Variants in CHN1 observed in about 807,000 individuals in gnomAD.
CHN1 encodes chimerin 1, also known as N-chimaerin.
A neutral mutation model predicts 59.5 loss-of-function variants in CHN1; 37 were observed. The ratio of observed to expected loss-of-function variants is 0.62; its 90% confidence interval spans 0.48 to 0.82. The LOEUF is 0.82. Ranked by LOEUF, CHN1 falls within the 40% of genes least tolerant of loss-of-function variation. CHN1 has a pLI of 0.00. For synonymous variants in CHN1, 206 were observed against 200.4 expected (o/e 1.03, Z -0.24); for missense variants, 469 against 571.0 (o/e 0.82, Z 1.82).
At chr2:174,988,145 TCAGGAGATCG>T (rs1691410303) in intron 1 of CHN1, among the ~76,000 whole-genome samples, 1 of 151,924 alleles carries the variant, frequency 6.6e-6, no homozygotes, top group South Asian at 2.1e-4. Flanking sequence ...GATCACGAGG[TCAGGAGATCG>T]AGACCATCCT....
intron 1 of CHN1, among the ~76,000 whole-genome samples, chr2:174,959,173 T>C (rs1392492138): frequency 1.3e-5 from 2 of 152,254 alleles, no homozygotes; most frequent in African/African-American, 4.8e-5. Flanking sequence ...TAAACTGGCA[T>C]AACCTCTCTG....
At chr2:174,955,479 G>A (rs1690177621) in intron 1 of CHN1, among the ~76,000 whole-genome samples, 2 of 151,900 alleles carry the variant, frequency 1.3e-5, no homozygotes, top group African/African-American at 4.8e-5. Context: ...ACTTTGGGGA[G>A]TGAGGGGAAA....
At chr2:174,845,767 G>A (rs1214608592) in intron 7 of CHN1, among the ~76,000 whole-genome samples, 2 of 110,248 alleles carry the variant, frequency 1.8e-5, no homozygotes, top group African/African-American at 3.5e-5. Context: ...TATGGAAAAT[G>A]CAGAGCATAT....
intron 11 of CHN1, among the ~76,000 whole-genome samples, chr2:174,808,473 T>G (rs993095855): frequency 1.3e-5 from 2 of 152,110 alleles, no homozygotes; most frequent in Non-Finnish European, 2.9e-5. Context: ...TTAGTAGAGA[T>G]GGGGTTTCAC....
intron 3 of CHN1, among the ~76,000 whole-genome samples, chr2:174,940,545 T>C (rs565906388): frequency 6.6e-6 from 1 of 151,692 alleles, no homozygotes; most frequent in Admixed American, 6.6e-5. Context: ...TTTTTTTTTA[T>C]GATAATGACA....
intron 5 of CHN1, among the ~76,000 whole-genome samples, chr2:174,886,100 G>C (rs1038009945): frequency 6.6e-6 from 1 of 152,194 alleles, no homozygotes; most frequent in African/African-American, 2.4e-5. Flanking sequence ...CAAAAGCACA[G>C]AGTAAAACAT....
chr2:174,928,764 A>ACAAGGCAGTTTTC lies in CHN1; in HGVS notation c.115-10212_115-10200dup, dbSNP rs1689247736. 2.6e-5 allele frequency among the ~76,000 whole-genome samples: 4 copies of ACAAGGCAGTTTTC among 152,258 alleles called. 1 individual carries two copies. The South Asian group carries it at 8.3e-4, about 31-fold the overall frequency. On this transcript the variant is annotated intron_variant, in intron 3 of 12. Coordinates refer to ENST00000409900, the MANE Select transcript of CHN1 (RefSeq NM_001822.7). ...ACCTGAGAAAATGTGCTGCATGTAG[A>ACAAGGCAGTTTTC]CAAGGCAGTTTTCCATTGAAACACA...
chr2:174,893,542 C>CAAAGCAATCTAGACACT lies in CHN1; in HGVS notation c.261-15431_261-15415dup, dbSNP rs532426756. On this transcript the variant is annotated intron_variant, in intron 5 of 12. Coordinates refer to ENST00000409900, the MANE Select transcript of CHN1 (RefSeq NM_001822.7). ...TACTGTTAAAAATGTCCATACTATC[C>CAAAGCAATCTAGACACT]AAAGCAATCTAGACACTAAAGCAAT... Among the ~76,000 whole-genome samples the CAAAGCAATCTAGACACT allele has an allele frequency of 4.3e-3, 660 of 152,152 alleles. 6 individuals are homozygous for CAAAGCAATCTAGACACT. The highest frequency in any genetic ancestry group is 0.015 in the African/African-American group (619 of 41,520).
rs1558963485 is a variant in CHN1 at position 174,877,909 on chromosome 2, A to C, written c.480T>G (p.His160Gln). Residue 160 changes from histidine (H) to glutamine (Q), a missense_variant, in exon 6 of 13, where the codon CAT (histidine) becomes CAG (glutamine). Physicochemically the swap from His to Gln is conservative, Grantham distance 24. This residue lies in a region of CHN1 where 81 missense variants were observed against 71.7 expected (regional missense o/e 1.13). Coordinates refer to ENST00000409900, the MANE Select transcript of CHN1 (RefSeq NM_001822.7). ...CATGTGTCTCTTTCAGGACTGGCAT[A>C]TGTTTTTTGTATGCTGGCTCTCTGT... ...TLNREPAYKKHMPVLKETHDE... is the reference protein window; with the variant it reads ...TLNREPAYKKQMPVLKETHDE... 1 of 1,613,856 alleles carries C rather than the reference A, an allele frequency of 6.2e-7. No individual in the cohort carries two copies. The highest frequency in any genetic ancestry group is 8.5e-7 in the Non-Finnish European group (1 of 1,179,808).
chr2:174,820,846 G>T (rs931355000), intron 8 of CHN1, among the ~76,000 whole-genome samples: 7 of 152,130 alleles, frequency 4.6e-5, no homozygotes, highest in African/African-American at 1.7e-4. Context: ...TTTAAAAAAG[G>T]GCTGTGGCGA....
Position 175,005,191 on chromosome 2 carries a change from C to T in CHN1, c.-279G>A, listed in dbSNP as rs1329647217. ...GCTGCCATCAGGCGCGGAGCGTGCG[C>T]GCGGGAGGAGGTACCTGCGAGGCAG... On this transcript the variant is annotated 5_prime_UTR_variant, in exon 1 of 13. Transcript: ENST00000409900. 1.6e-6 allele frequency: 2 copies of T among 1,244,762 alleles called. No individual in the cohort carries two copies. The highest frequency in any genetic ancestry group is 3.2e-5 in the African/African-American group (2 of 62,682). The allele number at this position is 1,244,762 out of a possible 1,614,324, so 77.1% of individuals were successfully genotyped here.
At chr2:174,891,130 G>A (rs1335659250) in intron 5 of CHN1, among the ~76,000 whole-genome samples, 20 of 74,838 alleles carry the variant, frequency 2.7e-4, no homozygotes, top group African/African-American at 1.1e-3. Flanking sequence ...GACAGAGCAA[G>A]ACTCCATCTC....
intron 1 of CHN1, among the ~76,000 whole-genome samples, chr2:175,004,531 TAAAC>T (rs1691996891): frequency 6.7e-6 from 1 of 148,996 alleles, no homozygotes; most frequent in South Asian, 2.1e-4. Context: ...TCAAAATAAA[TAAAC>T]TTTCCAAGGA....
chr2:174,980,232 T>TA (rs1171739514), intron 1 of CHN1, among the ~76,000 whole-genome samples: 1 of 152,172 alleles, frequency 6.6e-6, no homozygotes, highest in African/African-American at 2.4e-5. Flanking sequence ...CAGCAAGACT[T>TA]ACGTAAAAAA....
intron 3 of CHN1, among the ~76,000 whole-genome samples, chr2:174,929,781 C>T (rs1257866342): frequency 6.6e-6 from 1 of 152,130 alleles, no homozygotes; most frequent in African/African-American, 2.4e-5. Flanking sequence ...GTGGAAACTA[C>T]CAATCTGTTT....
At chr2:174,853,878 A>G (rs996587490) in intron 6 of CHN1, among the ~76,000 whole-genome samples, 1 of 152,174 alleles carries the variant, frequency 6.6e-6, no homozygotes, top group Non-Finnish European at 1.5e-5. Context: ...ACTTACATGC[A>G]GAAGTTAAAT....
chr2:174,830,872 C>T (rs182159427), intron 7 of CHN1, among the ~76,000 whole-genome samples: 20 of 152,228 alleles, frequency 1.3e-4, no homozygotes, highest in African/African-American at 2.6e-4. Flanking sequence ...GTAGTTAACA[C>T]GGAAGCACCG....
chr2:174,891,978 T>C (rs1047695867), intron 5 of CHN1, among the ~76,000 whole-genome samples: 2 of 152,190 alleles, frequency 1.3e-5, no homozygotes, highest in Non-Finnish European at 2.9e-5. Flanking sequence ...AATAATTATA[T>C]GTCAACAAAC....
chr2:174,922,943 T>A (rs189678139), intron 3 of CHN1, among the ~76,000 whole-genome samples: 1 of 152,270 alleles, frequency 6.6e-6, no homozygotes, highest in African/African-American at 2.4e-5. Flanking sequence ...TATGTATTTA[T>A]GGCATAAATA....
Sources: allele counts gnomAD v4.1 joint callset (sites outside exome capture counted in the v4.1 genomes callset), GRCh38; gene constraint gnomAD v4.1.1; regional missense constraint gnomAD v4.1.1; transcripts MANE v1.5; gene names NCBI Gene and HGNC (gene_info 2026-07-23, HGNC 2026-07-21).